Variants in DTWD2 observed in about 807,000 individuals in gnomAD.
The protein encoded by DTWD2 is DTW motif tRNA-uridine aminocarboxypropyltransferase 2.
A neutral mutation model predicts 31.8 loss-of-function variants in DTWD2; 39 were observed. The ratio of observed to expected loss-of-function variants is 1.22; its 90% CI spans 0.95 to 1.60. The LOEUF is 1.60. Among genes scored for constraint, DTWD2 ranks in the 40% most tolerant of loss-of-function variants. The probability of loss-of-function intolerance (pLI) is 0.00; values close to 1 mark genes in which losing one functional copy is unlikely to be tolerated. For synonymous variants in DTWD2, 180 were observed against 142.8 expected, an observed-to-expected ratio of 1.26 and a Z score of -1.86; for missense variants, 515 against 381.5, an observed-to-expected ratio of 1.35 and a Z score of -2.92.
intron 4 of DTWD2, among the ~76,000 whole-genome samples, chr5:118,856,112 T>A (rs749702355): frequency 6.6e-6 from 1 of 152,156 alleles, no homozygotes; most frequent in African/African-American, 2.4e-5. Context: ...CGGATGTCCA[T>A]AATAAAACAG....
At chr5:118,894,504 A>G (rs2149561986) in intron 4 of DTWD2, among the ~76,000 whole-genome samples, 1 of 152,326 alleles carries the variant, frequency 6.6e-6, no homozygotes, top group South Asian at 2.1e-4. Flanking sequence ...AAAGACAGAT[A>G]TATAAATAAA....
chr5:118,960,757 A>AAC, intron 1 of DTWD2, among the ~76,000 whole-genome samples: 1 of 152,258 alleles, frequency 6.6e-6, no homozygotes, highest in Non-Finnish European at 1.5e-5. Context: ...ATAAAAAAAA[A>AAC]CAAAATCATG....
intron 4 of DTWD2, among the ~76,000 whole-genome samples, chr5:118,860,607 T>G (rs1580771582): frequency 6.6e-6 from 1 of 152,088 alleles, no homozygotes; most frequent in Non-Finnish European, 1.5e-5. Context: ...CTCAATAGAG[T>G]GGTAACATTT....
chr5:118,953,528 G>A (rs1021068881), intron 1 of DTWD2, among the ~76,000 whole-genome samples: 1 of 152,174 alleles, frequency 6.6e-6, no homozygotes, highest in Non-Finnish European at 1.5e-5. Context: ...CACTGTATGT[G>A]ATTTAAATGA....
intron 4 of DTWD2, among the ~76,000 whole-genome samples, chr5:118,854,813 T>C (rs528722486): frequency 5.6e-4 from 85 of 152,342 alleles, no homozygotes; most frequent in African/African-American, 1.9e-3. Context: ...TCACATTCTA[T>C]ATAAAGTTAT....
chr5:118,908,708 T>A (rs547866730), intron 4 of DTWD2, among the ~76,000 whole-genome samples: 2 of 146,192 alleles, frequency 1.4e-5, no homozygotes, highest in Non-Finnish European at 3.0e-5. Flanking sequence ...TGAACAAAAG[T>A]AATAGAAAAG....
chr5:118,874,231 A>T (rs1034823918), intron 4 of DTWD2, among the ~76,000 whole-genome samples: 1 of 152,220 alleles, frequency 6.6e-6, no homozygotes, highest in African/African-American at 2.4e-5. Context: ...GACTGAATAT[A>T]GATAAGACCA....
rs187688269 is a variant in DTWD2 at position 118,983,211 on chromosome 5, G to A, written c.218+5083C>T. 1.1e-4 allele frequency among the ~76,000 whole-genome samples: 17 copies of A among 152,210 alleles called. No individual in the cohort carries two copies. The East Asian group carries it at 1.3e-3, about 12-fold the overall frequency. On this transcript the variant is annotated intron_variant, in intron 1 of 5. Coordinates refer to ENST00000510708, the MANE Select transcript of DTWD2 (RefSeq NM_173666.4). ...AACCACAAATGAGTTAAGCAGGAAC[G>A]ACTGGGAGCTACAGTGACCTGGAGA...
chr5:118,966,539 C>A (rs1295529042), intron 1 of DTWD2, among the ~76,000 whole-genome samples: 1 of 152,138 alleles, frequency 6.6e-6, no homozygotes, highest in Non-Finnish European at 1.5e-5. Flanking sequence ...TATGATCATA[C>A]TCAGGCAAAT....
intron 4 of DTWD2, among the ~76,000 whole-genome samples, chr5:118,901,566 T>G (rs1753210909): frequency 6.6e-6 from 1 of 152,140 alleles, no homozygotes; most frequent in Non-Finnish European, 1.5e-5. Context: ...TATTAGAGTA[T>G]ATTAGAGTAT....
chr5:118,856,632 C>T (rs1307904600), intron 4 of DTWD2, among the ~76,000 whole-genome samples: 1 of 152,094 alleles, frequency 6.6e-6, no homozygotes, highest in Non-Finnish European at 1.5e-5. Context: ...CCGTCTGTTC[C>T]ATGTCATCTC....
At chr5:118,984,460 C>CAA (rs955298520) in intron 1 of DTWD2, among the ~76,000 whole-genome samples, 1 of 74,600 alleles carries the variant, frequency 1.3e-5, no homozygotes, top group Non-Finnish European at 2.9e-5. Context: ...GACTCCGTTT[C>CAA]AAAAAAAAAA....
At chr5:118,880,602 C>T (rs1752719871) in intron 4 of DTWD2, among the ~76,000 whole-genome samples, 1 of 152,084 alleles carries the variant, frequency 6.6e-6, no homozygotes. Flanking sequence ...AAAATATATA[C>T]TAAAATGCAT....
chr5:118,944,487 G>C, intron 2 of DTWD2, 72 bp downstream of exon 2: 2 of 1,423,272 alleles, frequency 1.4e-6, no homozygotes, highest in South Asian at 2.4e-5. Flanking sequence ...GTAAGGATAA[G>C]TATGTTTATC....
upstream of DTWD2, chr5:118,988,547 CGGCTGCCGCCGG>C: frequency 6.8e-7 from 1 of 1,467,968 alleles, no homozygotes; most frequent in South Asian, 1.4e-5. Flanking sequence ...CATTGAAGCC[CGGCTGCCGCCGG>C]GGGGCGCCAC....
intron 4 of DTWD2, among the ~76,000 whole-genome samples, chr5:118,924,326 C>G (rs933233105): frequency 1.3e-5 from 2 of 152,152 alleles, no homozygotes; most frequent in Non-Finnish European, 2.9e-5. Flanking sequence ...GAGAAGCATA[C>G]CCCAAAAACA....
In DTWD2 at chr5:118,844,722, C is replaced by T. The variant is rs115376203; in HGVS notation, c.726+3368G>A. ...TTTCATGTAGCCATGCTTTCAGGTG[C>T]TTGAAAAACTGCTCTAGAATAAAGA... On this transcript the variant is annotated intron_variant, in intron 5 of 5. Transcript: ENST00000510708. Among the ~76,000 whole-genome samples the T allele has an allele frequency of 4.6e-3, 701 of 152,290 alleles. 3 individuals carry two copies. The highest frequency in any genetic ancestry group is 0.016 in the African/African-American group (675 of 41,562).
At chr5:118,894,507 T>C (rs944708271) in intron 4 of DTWD2, among the ~76,000 whole-genome samples, 4 of 152,070 alleles carry the variant, frequency 2.6e-5, no homozygotes, top group African/African-American at 9.7e-5. Flanking sequence ...GACAGATATA[T>C]AAATAAATAG....
In DTWD2 at chr5:118,966,453, ATC is replaced by A. The variant is rs535115956; in HGVS notation, c.219-21806_219-21805del. On this transcript the variant is annotated intron_variant, in intron 1 of 5. Transcript: ENST00000510708. ...TATATATTTTTAAGAAGCATTGAAT[ATC>A]TGTCACCTCAAAGTTACTCCAACAA... is the stretch of plus-strand genomic sequence containing the variant. 2.1e-3 allele frequency among the ~76,000 whole-genome samples: 327 copies of A among 152,350 alleles called. 1 individual carries two copies. Among genetic ancestry groups the A allele is most frequent in the African/African-American group, 7.2e-3 (301 of 41,584 alleles).
Sources: allele counts gnomAD v4.1 joint callset (sites outside exome capture counted in the v4.1 genomes callset), GRCh38; gene constraint gnomAD v4.1.1; transcripts MANE v1.5; gene names NCBI Gene and HGNC (gene_info 2026-07-23, HGNC 2026-07-21).